PCDH7: variants seen among roughly 807,000 people sequenced by gnomAD.
PCDH7 encodes protocadherin-7.
Under a neutral mutation model 58.9 loss-of-function variants are expected in PCDH7, and 17 were observed. The observed-to-expected ratio is 0.29, with a 90% CI of 0.20 to 0.43. The LOEUF is 0.43. PCDH7 is among the 20% of genes least tolerant of loss of function. The pLI is 1.00. For missense variants in PCDH7, 1,274 were observed against 1,441.0 expected, an observed-to-expected ratio of 0.88 and a Z score of 1.88; for synonymous variants, 664 against 616.4, an observed-to-expected ratio of 1.08 and a Z score of -1.14.
intron 1 of PCDH7, among the ~76,000 whole-genome samples, chr4:30,790,749 A>T (rs1370176429): frequency 6.6e-6 from 1 of 152,082 alleles, no homozygotes; most frequent in African/African-American, 2.4e-5. Flanking sequence ...GTGAGACCTC[A>T]TCTCTACAAA....
chr4:30,854,595 G>A (rs1325778825), intron 1 of PCDH7, among the ~76,000 whole-genome samples: 2 of 151,946 alleles, frequency 1.3e-5, no homozygotes, highest in African/African-American at 4.8e-5. Context: ...CTATTTCAGA[G>A]ACAGAAAGTC....
chr4:31,113,216 C>G (rs1040944246), intron 3 of PCDH7, among the ~76,000 whole-genome samples: 2 of 151,982 alleles, frequency 1.3e-5, no homozygotes, highest in African/African-American at 4.8e-5. Context: ...ATTAGCATAC[C>G]TGTCATTGCC....
rs535390092 is a variant in PCDH7 at position 30,872,203 on chromosome 4, G to A, written c.71-47950G>A. 7.2e-5 allele frequency among the ~76,000 whole-genome samples: 11 copies of A among 152,000 alleles called. No homozygotes were observed. The East Asian group carries it at 1.2e-3, about 16-fold the overall frequency. On this transcript the variant is annotated intron_variant, in intron 1 of 3. Coordinates refer to the PCDH7 transcript ENST00000509759. ...CTTATTAATAGATTAAATATAAAACGAAGCAACTATAATCATATCAGAATT... is the reference window on the plus strand; with the variant it reads ...CTTATTAATAGATTAAATATAAAACAAAGCAACTATAATCATATCAGAATT...
rs1181127883 is a variant in PCDH7 at position 30,722,106 on chromosome 4, A to C, written c.684A>C (p.Ala228=). 2.1e-6 allele frequency: 3 copies of C among 1,416,096 alleles called. No individual in the cohort carries two copies. Among genetic ancestry groups the C allele is most frequent in the Non-Finnish European group, 2.7e-6 (3 of 1,092,274 alleles). 87.7% of individuals were successfully genotyped at this position (1,416,096 alleles called of 1,614,324 possible). A position where few individuals can be genotyped will look rare whatever the true frequency, so the allele number is the denominator to read the frequency against. The stretch of plus-strand genomic sequence containing the variant: ...GAGGCTCCAAGCGGCGGCTGGACGC[A>C]TCAGAGGGCGGCGGCGGCACCAACC... The change falls in exon 1 of 2, where the codon GCA becomes GCC. Residue 228 remains alanine (A), a synonymous_variant. Transcript: ENST00000361762. The surrounding 1 kb of genome is among the most constrained non-coding windows in gnomAD (Gnocchi z 7.6).
chr4:30,734,094 C>T (rs1338636078), downstream of PCDH7, among the ~76,000 whole-genome samples: 1 of 151,930 alleles, frequency 6.6e-6, no homozygotes, highest in Non-Finnish European at 1.5e-5. Context: ...AAAAAACCTA[C>T]CAAAGTCTTT....
intron 1 of PCDH7, among the ~76,000 whole-genome samples, chr4:30,836,324 A>G (rs1730475843): frequency 6.6e-6 from 1 of 152,160 alleles, no homozygotes; most frequent in Non-Finnish European, 1.5e-5. Flanking sequence ...ACAAGACCAA[A>G]TGTATTAAGT....
intron 1 of PCDH7, among the ~76,000 whole-genome samples, chr4:30,909,878 A>G (rs1741498653): frequency 6.6e-6 from 1 of 152,218 alleles, no homozygotes; most frequent in Admixed American, 6.5e-5. Context: ...GAAAATCTTA[A>G]GCCAAAAGAA....
At chr4:30,847,156 A>AT (rs1186705767) in intron 1 of PCDH7, among the ~76,000 whole-genome samples, 2 of 151,972 alleles carry the variant, frequency 1.3e-5, no homozygotes, top group African/African-American at 4.8e-5. Flanking sequence ...AAAAGAATGC[A>AT]TTTTTTTAAA....
At chr4:31,030,948 G>T (rs965297444) in intron 3 of PCDH7, among the ~76,000 whole-genome samples, 1 of 152,152 alleles carries the variant, frequency 6.6e-6, no homozygotes, top group Non-Finnish European at 1.5e-5. Flanking sequence ...TCCCAAGAAA[G>T]CTCTCTTGAA....
chr4:30,730,855 T>C lies in PCDH7; in HGVS notation c.*67T>C, dbSNP rs138683469. On this transcript the variant is annotated 3_prime_UTR_variant, in exon 2 of 2. Transcript: ENST00000361762. ...ATGACCTTTCTACTCCGAAACCTGC[T>C]GGAGCCTGCCCTTGGCCGTGGGGTG... 3,517 of 1,525,532 alleles carry C rather than the reference T, an allele frequency of 2.3e-3. 73 individuals carry two copies. The African/African-American group carries it at 0.044, about 19-fold the overall frequency. The allele number at this position is 1,525,532 out of a possible 1,614,324, so 94.5% of individuals were successfully genotyped here.
At chr4:30,926,600 A>T (rs181428572) in intron 2 of PCDH7, among the ~76,000 whole-genome samples, 1 of 152,192 alleles carries the variant, frequency 6.6e-6, no homozygotes, top group Non-Finnish European at 1.5e-5. Context: ...CTCACCTTAA[A>T]TATTTTCCAG....
intron 3 of PCDH7, among the ~76,000 whole-genome samples, chr4:31,049,021 T>C (rs1756524116): frequency 1.3e-5 from 2 of 152,176 alleles, no homozygotes. Flanking sequence ...AATTATACTT[T>C]AAGTTTTAGG....
intron 3 of PCDH7, among the ~76,000 whole-genome samples, chr4:31,053,477 G>C (rs1413622257): frequency 1.3e-5 from 2 of 152,108 alleles, no homozygotes; most frequent in Non-Finnish European, 2.9e-5. Context: ...GCTCACACCT[G>C]TAATCCCACT....
At chr4:31,069,129 T>A (rs1044217029) in intron 3 of PCDH7, among the ~76,000 whole-genome samples, 1 of 152,020 alleles carries the variant, frequency 6.6e-6, no homozygotes, top group African/African-American at 2.4e-5. Flanking sequence ...AAGAATACCT[T>A]TAAAACGCAT....
chr4:30,746,494 C>G (rs1161596918), intron 1 of PCDH7, among the ~76,000 whole-genome samples: 2 of 152,152 alleles, frequency 1.3e-5, no homozygotes, highest in Non-Finnish European at 2.9e-5. Context: ...ATTTTGGCAT[C>G]TAATCTTCCT....
intron 1 of PCDH7, among the ~76,000 whole-genome samples, chr4:30,797,664 A>G (rs1724976846): frequency 6.6e-6 from 1 of 152,208 alleles, no homozygotes; most frequent in South Asian, 2.1e-4. Flanking sequence ...TTCACTGGGA[A>G]GATCCTGGTG....
At chr4:31,031,631 G>A (rs1264312847) in intron 3 of PCDH7, among the ~76,000 whole-genome samples, 1 of 151,244 alleles carries the variant, frequency 6.6e-6, no homozygotes, top group African/African-American at 2.4e-5. Flanking sequence ...TATTTCACTG[G>A]ATGTAATGCA....
At chr4:30,919,963 A>G (rs1042924340) in intron 1 of PCDH7, among the ~76,000 whole-genome samples, 190 bp from the exon 2 acceptor site, 38 of 152,300 alleles carry the variant, frequency 2.5e-4, no homozygotes, top group African/African-American at 8.7e-4. Flanking sequence ...CAGTTTTTCC[A>G]TAATAAAATC....
intron 1 of PCDH7, among the ~76,000 whole-genome samples, chr4:30,881,369 A>C (rs1445686753): frequency 6.6e-6 from 1 of 152,052 alleles, no homozygotes; most frequent in African/African-American, 2.4e-5. Flanking sequence ...ACAAAACAAA[A>C]CCCAGAACAA....
Sources: gnomAD v4.1 joint callset for allele counts (sites outside exome capture counted in the v4.1 genomes callset) on GRCh38, gnomAD v4.1.1 for gene constraint, Gnocchi (gnomAD v3.1) non-coding constraint, MANE v1.5 for transcripts, NCBI Gene and HGNC (gene_info 2026-07-23, HGNC 2026-07-21) for gene names.